Variants in WWOX observed in about 807,000 individuals in gnomAD.
WWOX encodes the protein WW domain-containing oxidoreductase.
Under a neutral mutation model 46.2 loss-of-function variants are expected in WWOX, and 69 were observed. That is an observed-to-expected ratio of 1.49 (90% CI 1.23 to 1.82). WWOX has a LOEUF of 1.82. WWOX is among the 40% of genes most tolerant of loss of function. The pLI, the probability that WWOX is intolerant of heterozygous loss-of-function variation, is 0.00. For synonymous variants in WWOX, 359 were observed against 202.6 expected (o/e 1.77, Z -6.56); for missense variants, 919 against 542.6 (o/e 1.69, Z -6.89).
chr16:79,153,202 C>T lies in WWOX; in HGVS notation c.1057-58406C>T, dbSNP rs548289861. Among the ~76,000 whole-genome samples the T allele has an allele frequency of 2.0e-5, 3 of 152,280 alleles. No individual in the cohort carries two copies. In the East Asian group the frequency reaches 5.8e-4, roughly 29 times the overall value. On this transcript the variant is annotated intron_variant, in intron 8 of 8. Transcript: ENST00000566780. ...ATCTCCATGTGAGGAGGAGGAGATT[C>T]AGGCCCAGCGTAGTGGCTTGCGAAA...
intron 8 of WWOX, chr16:79,204,897 C>T (rs1357106687): frequency 6.6e-6 from 1 of 152,242 alleles, no homozygotes; most frequent in African/African-American, 2.4e-5. Flanking sequence ...GAGCCACATT[C>T]TTGCTGGCTT....
intron 6 of WWOX, among the ~76,000 whole-genome samples, chr16:78,421,517 C>A (rs1292874037): frequency 1.3e-5 from 2 of 152,166 alleles, no homozygotes; most frequent in African/African-American, 4.8e-5. Context: ...TTGCGAAGAC[C>A]CTTTTTCCAA....
In WWOX at chr16:78,331,425, C is replaced by A. The variant is rs187660848; in HGVS notation, c.517-55435C>A. On this transcript the variant is annotated intron_variant, in intron 5 of 8. Coordinates refer to ENST00000566780, the MANE Select transcript of WWOX (RefSeq NM_016373.4). ...ACCAATTACATTCTAATACAGATTACTTCATGACAGTGTCTTATTTTCCAG... is the reference window on the plus strand; with the variant it reads ...ACCAATTACATTCTAATACAGATTAATTCATGACAGTGTCTTATTTTCCAG... 3.9e-5 allele frequency among the ~76,000 whole-genome samples: 6 copies of A among 152,296 alleles called. No individual in the cohort carries two copies. In the East Asian group the frequency reaches 1.2e-3, roughly 29 times the overall value.
intron 5 of WWOX, among the ~76,000 whole-genome samples, chr16:78,276,009 CT>C (rs2079570582): frequency 6.6e-6 from 1 of 152,328 alleles, no homozygotes; most frequent in East Asian, 1.9e-4. Flanking sequence ...CTTCATTCTG[CT>C]TTGCATTCAT....
At chr16:78,171,103 A>G (rs1350603155) in intron 5 of WWOX, among the ~76,000 whole-genome samples, 1 of 152,250 alleles carries the variant, frequency 6.6e-6, no homozygotes, top group East Asian at 1.9e-4. Flanking sequence ...GGGAGCACTC[A>G]GTACCAACCA....
intron 8 of WWOX, among the ~76,000 whole-genome samples, chr16:78,924,374 A>G (rs561648651): frequency 1.3e-5 from 2 of 152,320 alleles, no homozygotes; most frequent in South Asian, 4.2e-4. Context: ...ATCATCATCA[A>G]AAATGGAACT....
At chr16:78,606,718 GTT>G (rs59612285) in intron 8 of WWOX, among the ~76,000 whole-genome samples, 55,702 of 120,968 alleles carry the variant, frequency 0.46, 14,118 homozygotes, top group Admixed American at 0.59. Context: ...CAGAATTGCA[GTT>G]TTTTTTTTTT....
At chr16:78,321,827 G>T (rs1012836835) in intron 5 of WWOX, among the ~76,000 whole-genome samples, 1 of 152,134 alleles carries the variant, frequency 6.6e-6, no homozygotes, top group African/African-American at 2.4e-5. Flanking sequence ...AAAGAGCGAC[G>T]CTTGGAGGCT....
chr16:78,734,576 C>T (rs1044593770), intron 8 of WWOX, among the ~76,000 whole-genome samples: 1 of 152,100 alleles, frequency 6.6e-6, no homozygotes, highest in African/African-American at 2.4e-5. Flanking sequence ...TTATGTGTAA[C>T]TGAACCTGAT....
chr16:78,403,291 T>G (rs566840855), intron 6 of WWOX, among the ~76,000 whole-genome samples: 7 of 152,192 alleles, frequency 4.6e-5, no homozygotes, highest in African/African-American at 1.7e-4. Context: ...CTGTATAAAG[T>G]GTATTTAAAT....
chr16:78,350,932 C>T (rs181422175), intron 5 of WWOX, among the ~76,000 whole-genome samples: 746 of 58,250 alleles, frequency 0.013, 227 homozygotes, highest in Non-Finnish European at 0.03. Context: ...AGGAAGGTTC[C>T]GATTTCTCCA....
intron 8 of WWOX, among the ~76,000 whole-genome samples, chr16:78,826,443 G>C (rs1597678971): frequency 6.6e-6 from 1 of 152,198 alleles, no homozygotes; most frequent in African/African-American, 2.4e-5. Context: ...CTCTAGCTAA[G>C]AATCTGTTCC....
intron 8 of WWOX, among the ~76,000 whole-genome samples, chr16:78,821,843 A>G (rs2051504779): frequency 6.6e-6 from 1 of 152,168 alleles, no homozygotes; most frequent in Non-Finnish European, 1.5e-5. Context: ...TCCAAAGCTA[A>G]CAATTCTCAT....
intron 5 of WWOX, among the ~76,000 whole-genome samples, chr16:78,191,557 G>T (rs1472890463): frequency 6.6e-6 from 1 of 152,148 alleles, no homozygotes; most frequent in Non-Finnish European, 1.5e-5. Context: ...ATAGCATCCC[G>T]TGTGAATATG....
intron 1 of WWOX, chr16:78,100,345 T>C (rs2031687553): frequency 2.8e-6 from 2 of 725,794 alleles, no homozygotes; most frequent in Admixed American, 6.2e-5. Context: ...CTCTACCTAC[T>C]GGGTTCAGAC....
intron 8 of WWOX, among the ~76,000 whole-genome samples, chr16:79,112,277 A>T (rs2049431798): frequency 6.6e-6 from 1 of 152,148 alleles, no homozygotes; most frequent in Non-Finnish European, 1.5e-5. Context: ...CAGGCAACAG[A>T]TCATCTTGAT....
At chr16:78,951,753 G>C (rs543413416) in intron 8 of WWOX, among the ~76,000 whole-genome samples, 1 of 152,078 alleles carries the variant, frequency 6.6e-6, no homozygotes, top group Non-Finnish European at 1.5e-5. Flanking sequence ...AGGGGTGAGA[G>C]AGAGCCACAT....
At chr16:78,710,688 C>T (rs911806769) in intron 8 of WWOX, among the ~76,000 whole-genome samples, 3 of 150,790 alleles carry the variant, frequency 2.0e-5, no homozygotes, top group Admixed American at 6.6e-5. Flanking sequence ...GATCATGGCT[C>T]ACTGTAGCCT....
intron 5 of WWOX, among the ~76,000 whole-genome samples, chr16:78,293,978 GAAAAAAAAAAAAAA>G (rs35079271): frequency 3.3e-4 from 10 of 30,312 alleles, no homozygotes; most frequent in South Asian, 2.1e-3. Flanking sequence ...CTCTGTCTCA[GAAAAAAAAAAAAAA>G]AAAAAAAAAA....
Sources: gnomAD v4.1 joint callset for allele counts (sites outside exome capture counted in the v4.1 genomes callset) on GRCh38, gnomAD v4.1.1 for gene constraint, MANE v1.5 for transcripts, NCBI Gene and HGNC (gene_info 2026-07-23, HGNC 2026-07-21) for gene names.